The following WDTC1 variants were observed in gnomAD, a reference collection of about 807,000 sequenced individuals.
WDTC1 encodes WD and tetratricopeptide repeats protein 1.
A neutral mutation model predicts 76.0 loss-of-function variants in WDTC1; 12 were observed. That is an observed-to-expected ratio of 0.16 (90% confidence interval 0.10 to 0.26). WDTC1 has a LOEUF of 0.26. Among genes scored for constraint, WDTC1 ranks in the 10% least tolerant of loss-of-function variants. WDTC1 has a pLI of 1.00. For missense variants in WDTC1, 511 were observed against 908.8 expected, an observed-to-expected ratio of 0.56 and a Z score of 5.63; for synonymous variants, 326 against 350.8, an observed-to-expected ratio of 0.93 and a Z score of 0.79.
In WDTC1 at chr1:27,282,410, C is replaced by A; in HGVS notation, c.179+125C>A. ...CCAAATGAAAAGAGACTGCTGCTGTCTGCCGTTCTTCAGCTTAGCCCATAA... is the reference window on the plus strand; with the variant it reads ...CCAAATGAAAAGAGACTGCTGCTGTATGCCGTTCTTCAGCTTAGCCCATAA... On this transcript the variant is annotated intron_variant, in intron 4 of 15. Transcript: ENST00000319394. The A allele has an allele frequency of 8.0e-6, 7 of 878,896 alleles. No individual in the cohort carries two copies. The South Asian group carries it at 1.2e-4, about 15-fold the overall frequency. 54.4% of individuals were successfully genotyped at this position (878,896 alleles called of 1,614,324 possible). A position where few individuals can be genotyped will look rare whatever the true frequency, so the allele number is the denominator to read the frequency against.
intron 1 of WDTC1, among the ~76,000 whole-genome samples, chr1:27,258,610 T>G (rs988624309): frequency 8.6e-5 from 13 of 152,012 alleles, no homozygotes; most frequent in Middle Eastern, 3.4e-3. Context: ...CAAAATTGAT[T>G]ATGGAGGCGT....
intron 5 of WDTC1, among the ~76,000 whole-genome samples, chr1:27,284,262 C>G (rs2013269114): frequency 6.6e-6 from 1 of 152,146 alleles, no homozygotes; most frequent in South Asian, 2.1e-4. Context: ...CTGCACTTGT[C>G]CACTCGCCAG....
At position 27,235,407 on chromosome 1, in the gene WDTC1, TG is replaced by T. The variant is rs2011474640; in HGVS notation, c.-100+457del. Among the ~76,000 whole-genome samples the T allele has an allele frequency of 1.7e-4, 25 of 144,122 alleles. No individual in the cohort carries two copies. The South Asian group carries it at 5.4e-3, about 31-fold the overall frequency. The allele number at this position is 144,122 out of a possible 152,430, so 94.5% of individuals were successfully genotyped here. A position where few individuals can be genotyped will look rare whatever the true frequency, so the allele number is the denominator to read the frequency against. On this transcript the variant is annotated intron_variant, in intron 1 of 15. Coordinates refer to ENST00000319394, the MANE Select transcript of WDTC1 (RefSeq NM_001276252.2). ...CTCTCTCTCTTTCTGTGTGTGTGTG[TG>T]TGTGTGTGTGTGTGTGTGTGTGTGT... is the stretch of plus-strand genomic sequence containing the variant.
intron 3 of WDTC1, among the ~76,000 whole-genome samples, chr1:27,275,617 CAAA>C (rs1195961573): frequency 3.4e-5 from 3 of 89,354 alleles, no homozygotes; most frequent in African/African-American, 3.9e-5. Context: ...GACTCTGTCT[CAAA>C]AAAAAAAAAA....
chr1:27,261,904 T>C (rs894174046), intron 2 of WDTC1, among the ~76,000 whole-genome samples: 1 of 151,978 alleles, frequency 6.6e-6, no homozygotes, highest in African/African-American at 2.4e-5. Flanking sequence ...ACAAATTAAG[T>C]GCTTAAAAAG....
In WDTC1 at chr1:27,301,610, T is replaced by C; in HGVS notation, c.1468+149T>C. 4.5e-6 allele frequency: 4 copies of C among 892,992 alleles called. No homozygotes were observed. Among genetic ancestry groups the C allele is most frequent in the Non-Finnish European group, 6.8e-6 (4 of 588,368 alleles). 55.3% of individuals were successfully genotyped at this position (892,992 alleles called of 1,614,324 possible). On this transcript the variant is annotated intron_variant, in intron 13 of 15. Coordinates refer to ENST00000319394, the MANE Select transcript of WDTC1 (RefSeq NM_001276252.2). The surrounding 1 kb of genome is among the most constrained non-coding windows in gnomAD (Gnocchi z 5.8). ...GCAACTTTGGGGCAGTTACTTGGTG[T>C]CTCTCTCAGAGTGTTTCCTGGTCTG...
chr1:27,300,078 C>A (rs528384974), intron 12 of WDTC1, among the ~76,000 whole-genome samples: 21 of 152,346 alleles, frequency 1.4e-4, no homozygotes, highest in Non-Finnish European at 2.5e-4. Context: ...GCCATTGAAG[C>A]AGCTCTGTTT....
chr1:27,294,670 A>T (rs761429893), intron 9 of WDTC1, 41 bp downstream of exon 9: 4 of 1,570,002 alleles, frequency 2.5e-6, no homozygotes, highest in Non-Finnish European at 3.5e-6. Flanking sequence ...TCACCATTCC[A>T]TGCCCAGCAG....
rs766762821 is a variant in WDTC1, at chr1:27,292,375, A to G, written c.640A>G (p.Ile214Val). The change falls in exon 7 of 16, where the codon ATC becomes GTC. Residue 214 changes from isoleucine to valine, a missense_variant. Coordinates refer to ENST00000319394, the MANE Select transcript of WDTC1 (RefSeq NM_001276252.2). ...ASGPFVRLYD[I>V]RMIHNHRKSM... ...CGGGCCCTTCGTGAGGCTCTATGAC[A>G]TCCGCATGATCCATAACCACAGGTA... The G allele has an allele frequency of 6.2e-6, 10 of 1,605,224 alleles. No individual in the cohort carries two copies. In the East Asian group the frequency reaches 2.2e-4, roughly 36 times the overall value.
At chr1:27,277,380 C>T (rs1344288476) in intron 3 of WDTC1, among the ~76,000 whole-genome samples, 1 of 152,138 alleles carries the variant, frequency 6.6e-6, no homozygotes, top group Non-Finnish European at 1.5e-5. Flanking sequence ...AAGGATCCAA[C>T]TTCATTCTTT....
At chr1:27,299,927 G>A (rs2147990189) in intron 12 of WDTC1, among the ~76,000 whole-genome samples, 1 of 152,282 alleles carries the variant, frequency 6.6e-6, no homozygotes, top group Middle Eastern at 3.4e-3. Flanking sequence ...TGGATGCAGT[G>A]GGAGCTGTCA....
intron 13 of WDTC1, among the ~76,000 whole-genome samples, chr1:27,302,084 G>A (rs2013844562): frequency 6.6e-6 from 1 of 152,172 alleles, no homozygotes; most frequent in African/African-American, 2.4e-5. Flanking sequence ...TGAACGGTGA[G>A]CTCATAGGAG....
At chr1:27,252,313 A>G (rs900133819) in intron 1 of WDTC1, among the ~76,000 whole-genome samples, 2 of 152,106 alleles carry the variant, frequency 1.3e-5, no homozygotes, top group Admixed American at 1.3e-4. Context: ...TGATTGCACC[A>G]CTGCACTCCA....
chr1:27,258,777 G>A (rs901161970), intron 1 of WDTC1, among the ~76,000 whole-genome samples: 1 of 152,210 alleles, frequency 6.6e-6, no homozygotes, highest in Admixed American at 6.5e-5. Flanking sequence ...ACAGAGGAAA[G>A]GAAGGAGTCT....
chr1:27,260,294 A>T (rs1236412534), intron 1 of WDTC1, among the ~76,000 whole-genome samples: 1 of 152,026 alleles, frequency 6.6e-6, no homozygotes, highest in Non-Finnish European at 1.5e-5. Context: ...TTTAGTAGGG[A>T]CGGGGTTTCA....
intron 1 of WDTC1, 55 bp downstream of exon 1, chr1:27,235,006 C>A (rs1319718612): frequency 2.7e-6 from 1 of 376,266 alleles, no homozygotes; most frequent in African/African-American, 2.1e-5. Context: ...GGGACCGGCT[C>A]CCGCAGCCCC....
intron 1 of WDTC1, among the ~76,000 whole-genome samples, chr1:27,239,951 C>T (rs974528267): frequency 1.3e-5 from 2 of 151,710 alleles, no homozygotes; most frequent in Non-Finnish European, 2.9e-5. Context: ...GGAGTGCACA[C>T]GATCTCTGCT....
At chr1:27,268,588 T>A (rs770984809) in intron 3 of WDTC1, among the ~76,000 whole-genome samples, 1 of 151,486 alleles carries the variant, frequency 6.6e-6, no homozygotes, top group Non-Finnish European at 1.5e-5. Context: ...CTGGCTAATT[T>A]CTGTATTTTT....
intron 2 of WDTC1, 111 bp downstream of exon 2, chr1:27,261,213 T>C: frequency 8.0e-7 from 1 of 1,249,056 alleles, no homozygotes; most frequent in Non-Finnish European, 1.1e-6. Context: ...TAAAGTCACG[T>C]AGCTAGTTAG....
Sources: gnomAD v4.1 joint callset for allele counts (sites outside exome capture counted in the v4.1 genomes callset) on GRCh38, gnomAD v4.1.1 for gene constraint, Gnocchi (gnomAD v3.1) non-coding constraint, MANE v1.5 for transcripts, NCBI Gene and HGNC (gene_info 2026-07-23, HGNC 2026-07-21) for gene names.